Variants in TM2D2 observed in about 807,000 individuals in gnomAD.
The protein encoded by TM2D2 is TM2 domain containing 2.
Under a neutral mutation model 23.0 loss-of-function variants are expected in TM2D2, and 19 were observed. The ratio of observed to expected loss-of-function variants is 0.82; its 90% confidence interval spans 0.58 to 1.21. The LOEUF (loss-of-function observed/expected upper bound fraction) is 1.21. Ranked by LOEUF, TM2D2 falls within the 50% of genes most tolerant of loss-of-function variation. The pLI is 0.00. For synonymous variants in TM2D2, 120 were observed against 108.8 expected (o/e 1.10, Z -0.64); for missense variants, 246 against 265.4 (o/e 0.93, Z 0.51).
At chr8:38,993,165 G>A (rs574926498) in intron 3 of TM2D2, among the ~76,000 whole-genome samples, 87 of 152,342 alleles carry the variant, frequency 5.7e-4, no homozygotes, top group African/African-American at 2.0e-3. Flanking sequence ...GTTAGAGAAA[G>A]AGACAGTTAG....
At chr8:38,996,975 A>G (rs1477775902), upstream of TM2D2, 6 of 1,522,434 alleles carry the variant, frequency 3.9e-6, no homozygotes, top group Middle Eastern at 3.4e-4. Flanking sequence ...TCCCGGCCAG[A>G]CTTGGGGCCC....
rs868396459 is a variant in TM2D2 at position 38,989,385 on chromosome 8, T to G, written c.*1947A>C. 1 of 152,270 alleles carries G rather than the reference T, an allele frequency of 6.6e-6. No individual in the cohort carries two copies. The highest frequency in any genetic ancestry group is 2.4e-5 in the African/African-American group (1 of 41,460). 9.4% of individuals were successfully genotyped at this position (152,270 alleles called of 1,614,324 possible). ...GGCAGGATCTCGGCTCACTGCAATC[T>G]CTGCCTCCTCAGTTCAAGTGATTCT... On this transcript the variant is annotated 3_prime_UTR_variant, in exon 4 of 4. Transcript: ENST00000456397.
chr8:38,992,303 C>CAAAAAA (rs11332696), intron 3 of TM2D2, among the ~76,000 whole-genome samples: 6 of 47,410 alleles, frequency 1.3e-4, no homozygotes, highest in Admixed American at 6.4e-4. Flanking sequence ...CTGTTTCTAC[C>CAAAAAA]AAAAAAAAAA....
rs1348947687 is a variant in TM2D2, at chr8:38,990,072, A to G, written c.*1260T>C. 2 of 152,252 alleles carry G rather than the reference A, an allele frequency of 1.3e-5. No homozygotes were observed. Among genetic ancestry groups the G allele is most frequent in the Non-Finnish European group, 2.9e-5 (2 of 68,042 alleles). The allele number at this position is 152,252 out of a possible 1,614,324, so 9.4% of individuals were successfully genotyped here. On this transcript the variant is annotated 3_prime_UTR_variant, in exon 4 of 4. Transcript: ENST00000456397. ...TGGTACAGAACTTTCAAGACAGAAT[A>G]GGATCATCTGTTTTAAATTTTTTAC...
chr8:38,993,261 T>C (rs572368023), intron 3 of TM2D2, among the ~76,000 whole-genome samples: 14 of 152,158 alleles, frequency 9.2e-5, no homozygotes, highest in Admixed American at 2.0e-4. Flanking sequence ...ATGGTAGCCA[T>C]AGACCCTCTT....
intron 2 of TM2D2, chr8:38,993,936 T>C (rs1835680479): frequency 1.3e-5 from 3 of 231,748 alleles, no homozygotes; most frequent in Non-Finnish European, 1.7e-5. Flanking sequence ...CTCAGTGTCA[T>C]TAAAGGCCAT....
At chr8:38,994,404 A>G (rs1835693994) in intron 2 of TM2D2, among the ~76,000 whole-genome samples, 1 of 152,204 alleles carries the variant, frequency 6.6e-6, no homozygotes, top group African/African-American at 2.4e-5. Flanking sequence ...TTACAGGATA[A>G]ACTCAATTTT....
At position 38,991,496 on chromosome 8, in the gene TM2D2, C is replaced by G; in HGVS notation, c.481G>C (p.Gly161Arg). 6.2e-7 allele frequency: 1 copy of G among 1,614,152 alleles called. No individual in the cohort carries two copies. The highest frequency in any genetic ancestry group is 8.5e-7 in the Non-Finnish European group (1 of 1,180,020). The change falls in exon 4 of 4, where the codon GGA becomes CGA. Residue 161 changes from glycine (G) to arginine (R), a missense_variant. Around this residue, in one of 2 missense-constraint regions of TM2D2, gnomAD observed 212 missense variants for 202.2 expected, o/e 1.05. Transcript: ENST00000456397. Reference protein sequence around the residue: ...ITTLLYSFFLGCFGVDRFCLG... With the variant: ...ITTLLYSFFLRCFGVDRFCLG... ...CAGAATCGATCCACACCAAAACATC[C>G]CAGGAAGAAGGAGTAGAGTAAAGTG...
chr8:38,991,406 A>G lies in TM2D2; in HGVS notation c.571T>C (p.Phe191Leu). Reference protein sequence around the residue: ...LTLGGLGIWWFVDLILLITGG... With the variant: ...LTLGGLGIWWLVDLILLITGG... The stretch of plus-strand genomic sequence containing the variant: ...GTAATTAGCAAAATAAGGTCAACAA[A>G]CCACCAAATCCCAAGTCCTCCAAGC... Residue 191 changes from phenylalanine to leucine, a missense_variant, in exon 4 of 4, where the codon TTT becomes CTT. By Grantham distance (22) the Phe-to-Leu change is conservative. Transcript: ENST00000456397. 1 of 1,614,070 alleles carries G rather than the reference A, an allele frequency of 6.2e-7. No homozygotes were observed. The highest frequency in any genetic ancestry group is 8.5e-7 in the Non-Finnish European group (1 of 1,180,026).
At chr8:38,993,925 A>C in intron 2 of TM2D2, 1 of 244,254 alleles carries the variant, frequency 4.1e-6, no homozygotes, top group Non-Finnish European at 8.1e-6. Context: ...CCCCAAACAC[A>C]CTCAGTGTCA....
chr8:38,994,327 T>C (rs2129429128), intron 2 of TM2D2, among the ~76,000 whole-genome samples: 1 of 152,316 alleles, frequency 6.6e-6, no homozygotes, highest in Non-Finnish European at 1.5e-5. Context: ...TGGTACCTTA[T>C]ATCAGTGCTT....
intron 3 of TM2D2, 42 bp from the exon 4 acceptor site, chr8:38,991,587 A>G (rs1258704133): frequency 6.9e-6 from 10 of 1,456,606 alleles, no homozygotes. Flanking sequence ...TACTGCACGA[A>G]AATTTAAACC....
In TM2D2 at chr8:38,991,133, T is replaced by C. The variant is rs1588299614; in HGVS notation, c.*199A>G. On this transcript the variant is annotated 3_prime_UTR_variant, in exon 4 of 4. Transcript: ENST00000456397. ...CAAATTTGATTCCCCACAACACTTT[T>C]TGCTTGTCATTCCGTCTGCAAGGTA... is the stretch of plus-strand genomic sequence containing the variant. 1.7e-6 allele frequency: 1 copy of C among 599,590 alleles called. No homozygotes were observed. Among genetic ancestry groups the C allele is most frequent in the Non-Finnish European group, 3.0e-6 (1 of 338,934 alleles). The allele number at this position is 599,590 out of a possible 1,614,324, so 37.1% of individuals were successfully genotyped here.
Position 38,996,486 on chromosome 8 carries a change from G to C in TM2D2, c.-47C>G. The C allele has an allele frequency of 1.2e-6, 2 of 1,610,866 alleles. No individual in the cohort carries two copies. Among genetic ancestry groups the C allele is most frequent in the African/African-American group, 1.3e-5 (1 of 75,010 alleles). ...GACCCGGCCTCAACCACAACCCCAG[G>C]CCAGCAGCACAGACCCAAGAACTGC... On this transcript the variant is annotated 5_prime_UTR_variant, in exon 1 of 4. Transcript: ENST00000456397.
Position 38,991,491 on chromosome 8 carries a change from A to G in TM2D2, c.486T>C (p.Cys162=). 1 of 1,614,160 alleles carries G rather than the reference A, an allele frequency of 6.2e-7. No homozygotes were observed. The highest frequency in any genetic ancestry group is 8.5e-7 in the Non-Finnish European group (1 of 1,180,000). ...TTLLYSFFLG[C]FGVDRFCLGH... is the part of the protein sequence containing the mutation. ...CCAAACAGAATCGATCCACACCAAA[A>G]CATCCCAGGAAGAAGGAGTAGAGTA... is the stretch of plus-strand genomic sequence containing the variant. Residue 162 remains cysteine, a synonymous_variant, in exon 4 of 4, where the codon TGT becomes TGC. Transcript: ENST00000456397.
chr8:38,996,974 G>A (rs755637586), upstream of TM2D2: 1 of 1,528,618 alleles, frequency 6.5e-7, no homozygotes, highest in Non-Finnish European at 8.8e-7. Context: ...TTCCCGGCCA[G>A]ACTTGGGGCC....
chr8:38,995,989 C>A (rs1331362713), intron 1 of TM2D2, among the ~76,000 whole-genome samples: 2 of 152,206 alleles, frequency 1.3e-5, no homozygotes, highest in Non-Finnish European at 2.9e-5. Context: ...GTTACTCCTA[C>A]CCAGTTTTCC....
At chr8:38,996,552 G>C (rs1379958454), upstream of TM2D2, 2 of 1,496,418 alleles carry the variant, frequency 1.3e-6, no homozygotes, top group South Asian at 1.3e-5. Context: ...GCGTAGCCCC[G>C]CCAAACAGCC....
upstream of TM2D2, chr8:38,996,970 G>A (rs962284380): frequency 1.5e-5 from 23 of 1,516,778 alleles, no homozygotes; most frequent in East Asian, 9.8e-5. Context: ...GCGCTTCCCG[G>A]CCAGACTTGG....
Sources: allele counts gnomAD v4.1 joint callset (sites outside exome capture counted in the v4.1 genomes callset), GRCh38; gene constraint gnomAD v4.1.1; regional missense constraint gnomAD v4.1.1; transcripts MANE v1.5; gene names NCBI Gene and HGNC (gene_info 2026-07-23, HGNC 2026-07-21).